ITPR1: variants seen among roughly 807,000 people sequenced by gnomAD.
The protein encoded by ITPR1 is inositol 1,4,5-trisphosphate-gated calcium channel ITPR1.
A neutral mutation model predicts 318.4 loss-of-function variants in ITPR1; 96 were observed. That is an observed-to-expected ratio of 0.30 (90% CI 0.26 to 0.36). The LOEUF (loss-of-function observed/expected upper bound fraction) is 0.36. Among genes scored for constraint, ITPR1 ranks in the 10% least tolerant of loss-of-function variants. ITPR1 has a pLI of 1.00. For synonymous variants in ITPR1, 1,312 were observed against 1,289.9 expected (o/e 1.02, Z -0.37); for missense variants, 2,440 against 3,460.2 (o/e 0.71, Z 7.40).
chr3:4,660,900 C>A, intron 13 of ITPR1, 88 bp from the exon 14 acceptor site: 3 of 634,732 alleles, frequency 4.7e-6, no homozygotes, highest in Non-Finnish European at 7.8e-6. Context: ...TTTGCTATTT[C>A]TATTTTGATA....
chr3:4,822,881 G>A (rs1218562429), intron 60 of ITPR1, among the ~76,000 whole-genome samples: 2 of 152,202 alleles, frequency 1.3e-5, no homozygotes, highest in Non-Finnish European at 2.9e-5. Flanking sequence ...GCCCTTGGCA[G>A]ATCAAGGGAA....
At chr3:4,733,260 G>A (rs749624698) in intron 43 of ITPR1, 40 bp downstream of exon 43, 8 of 1,606,756 alleles carry the variant, frequency 5.0e-6, no homozygotes, top group South Asian at 4.4e-5. Flanking sequence ...TGTGAATCAA[G>A]TGTGTTCTGT....
intron 37 of ITPR1, among the ~76,000 whole-genome samples, chr3:4,708,690 A>G (rs1305843293): frequency 6.6e-6 from 1 of 152,214 alleles, no homozygotes; most frequent in Non-Finnish European, 1.5e-5. Flanking sequence ...AAGTTAAATG[A>G]AACGCGTAGG....
intron 52 of ITPR1, among the ~76,000 whole-genome samples, chr3:4,794,066 C>T (rs952207524): frequency 1.3e-5 from 2 of 152,220 alleles, no homozygotes; most frequent in African/African-American, 4.8e-5. Context: ...TTCTCACGTA[C>T]TCCATGCTTT....
rs1464623729 is a variant in ITPR1, at chr3:4,670,917, G to A, written c.2195G>A (p.Ser732Asn). 1 of 1,581,798 alleles carries A rather than the reference G, an allele frequency of 6.3e-7. No individual in the cohort carries two copies. Among genetic ancestry groups the A allele is most frequent in the South Asian group, 1.2e-5 (1 of 85,968 alleles). The change falls in exon 20 of 62, where the codon AGC becomes AAC. Residue 732 changes from serine (S) to asparagine (N), a missense_variant. By Grantham distance (46) the Ser-to-Asn change is conservative (BLOSUM62 1). Coordinates refer to ENST00000649015, the MANE Select transcript of ITPR1 (RefSeq NM_001378452.1). ...CAGAAGGAGGACCGAGACGTTCTCAGCTACTACAGGTGCGTGGGACACGTG... is the reference window on the plus strand; with the variant it reads ...CAGAAGGAGGACCGAGACGTTCTCAACTACTACAGGTGCGTGGGACACGTG... ...EGQKEDRDVL[S>N]YYRYQLNLFA...
chr3:4,649,710 T>A (rs970183425), intron 10 of ITPR1, among the ~76,000 whole-genome samples: 8 of 152,198 alleles, frequency 5.3e-5, no homozygotes, highest in African/African-American at 1.9e-4. Context: ...CTTATAAATA[T>A]CAGAAATGTA....
intron 35 of ITPR1, among the ~76,000 whole-genome samples, chr3:4,701,201 A>C (rs774943341): frequency 3.9e-5 from 6 of 152,208 alleles, no homozygotes; most frequent in Non-Finnish European, 7.3e-5. Context: ...GAATTCATCT[A>C]GTCAAGAGAC....
At chr3:4,493,800 G>C (rs1035785110) in intron 1 of ITPR1, among the ~76,000 whole-genome samples, 195 bp downstream of exon 1, 5 of 152,072 alleles carry the variant, frequency 3.3e-5, no homozygotes, top group Non-Finnish European at 5.9e-5. Flanking sequence ...CTCTACTCTA[G>C]TGCGTGGCTT....
chr3:4,835,426 G>GTTGT (rs1245994985), intron 60 of ITPR1, among the ~76,000 whole-genome samples: 2 of 152,146 alleles, frequency 1.3e-5, no homozygotes, highest in Non-Finnish European at 2.9e-5. Context: ...TTATTTACTG[G>GTTGT]TTGTTTGGGG....
intron 2 of ITPR1, among the ~76,000 whole-genome samples, chr3:4,505,296 G>A (rs1265918015): frequency 6.6e-6 from 1 of 152,112 alleles, no homozygotes; most frequent in Non-Finnish European, 1.5e-5. Flanking sequence ...AGGTTCATGC[G>A]ATTCTCCTGC....
chr3:4,770,790 T>G (rs868229687), intron 46 of ITPR1, among the ~76,000 whole-genome samples: 6 of 152,322 alleles, frequency 3.9e-5, no homozygotes, highest in Middle Eastern at 3.4e-3. Flanking sequence ...AAAGCACTTA[T>G]GCCTCAAATG....
chr3:4,677,282 C>G (rs915663061), intron 24 of ITPR1, among the ~76,000 whole-genome samples: 13 of 152,178 alleles, frequency 8.5e-5, no homozygotes, highest in African/African-American at 3.1e-4. Flanking sequence ...GATGAAATTC[C>G]TGCTTCTCTA....
chr3:4,839,960 G>C (rs1171385263), intron 61 of ITPR1, among the ~76,000 whole-genome samples: 1 of 146,240 alleles, frequency 6.8e-6, no homozygotes, highest in East Asian at 2.1e-4. Flanking sequence ...ATTCTCAAGT[G>C]CTTTTACCAG....
Position 4,684,358 on chromosome 3 carries a change from C to T in ITPR1, c.3564+12C>T. ...GAGTGGTCAAAGAGGTAAGCTCCTC[C>T]CCCACCACCATTTTTCCTTTCTTTA... On this transcript the variant is annotated intron_variant, in intron 29 of 61. Coordinates refer to ENST00000649015, the MANE Select transcript of ITPR1 (RefSeq NM_001378452.1). 6.3e-7 allele frequency: 1 copy of T among 1,591,602 alleles called. No homozygotes were observed. The highest frequency in any genetic ancestry group is 8.6e-7 in the Non-Finnish European group (1 of 1,160,750).
chr3:4,760,025 C>T (rs1341241590), intron 44 of ITPR1, among the ~76,000 whole-genome samples: 1 of 152,254 alleles, frequency 6.6e-6, no homozygotes, highest in East Asian at 1.9e-4. Context: ...TGCCCGCAGA[C>T]CAGCTTTGTG....
At chr3:4,778,208 A>C (rs888120733) in intron 48 of ITPR1, among the ~76,000 whole-genome samples, 1 of 152,208 alleles carries the variant, frequency 6.6e-6, no homozygotes, top group East Asian at 1.9e-4. Context: ...GAATCCCATG[A>C]TTCAGTTTTA....
intron 12 of ITPR1, among the ~76,000 whole-genome samples, chr3:4,656,723 CTTTT>C (rs2093717537): frequency 6.6e-6 from 1 of 152,154 alleles, no homozygotes; most frequent in African/African-American, 2.4e-5. Context: ...TTTCTTGATT[CTTTT>C]GTTTTCCTGG....
intron 4 of ITPR1, among the ~76,000 whole-genome samples, chr3:4,587,060 A>G (rs1368553701): frequency 6.6e-6 from 1 of 152,140 alleles, no homozygotes; most frequent in Non-Finnish European, 1.5e-5. Flanking sequence ...AAGACTCGGG[A>G]ATAAATATTT....
At position 4,663,156 on chromosome 3, in the gene ITPR1, C is replaced by G. The variant is rs982016264; in HGVS notation, c.1504C>G (p.Pro502Ala). The G allele has an allele frequency of 1.2e-6, 2 of 1,613,602 alleles. No homozygotes were observed. Among genetic ancestry groups the G allele is most frequent in the East Asian group, 4.5e-5 (2 of 44,870 alleles). Reference protein sequence around the residue: ...QDVLEVVFSKPNRERQKLMRE... With the variant: ...QDVLEVVFSKANRERQKLMRE... ...TGTTCTCGAAGTTGTCTTCTCCAAG[C>G]CCAACAGAGAACGGCAGAAACTGAT... is the stretch of plus-strand genomic sequence containing the variant. Residue 502 changes from proline (P) to alanine (A), a missense_variant, in exon 16 of 62, where the codon CCC (proline) becomes GCC (alanine). Pro to Ala is a conservative substitution (Grantham distance 27, BLOSUM62 -1). Coordinates refer to ENST00000649015, the MANE Select transcript of ITPR1 (RefSeq NM_001378452.1).
Sources: allele counts gnomAD v4.1 joint callset (sites outside exome capture counted in the v4.1 genomes callset), GRCh38; gene constraint gnomAD v4.1.1; transcripts MANE v1.5; gene names NCBI Gene and HGNC (gene_info 2026-07-23, HGNC 2026-07-21).